MCF2L: variants seen among roughly 807,000 people sequenced by gnomAD.
MCF2L encodes MCF.2 cell line derived transforming sequence like.
MCF2L carries 97 observed loss-of-function variants against 153.4 expected under a neutral mutation model. That is an observed-to-expected ratio of 0.63 (90% confidence interval 0.54 to 0.75). The LOEUF is 0.75. Ranked by LOEUF, MCF2L falls within the 30% of genes least tolerant of loss-of-function variation. The probability of loss-of-function intolerance (pLI) is 0.00; values close to 1 mark genes in which losing one functional copy is unlikely to be tolerated. For missense variants in MCF2L, 1,347 were observed against 1,495.2 expected (o/e 0.90, Z 1.64); for synonymous variants, 659 against 632.2 (o/e 1.04, Z -0.64).
At chr13:113,078,797 A>G in intron 15 of MCF2L, 58 bp downstream of exon 15, 1 of 1,437,514 alleles carries the variant, frequency 7.0e-7, no homozygotes, top group Non-Finnish European at 9.5e-7. Flanking sequence ...CTGAACCACC[A>G]GATGCCGTCA....
In MCF2L at chr13:112,993,841, G is replaced by A. The variant is rs967806968; in HGVS notation, c.80-20922G>A. On this transcript the variant is annotated intron_variant, in intron 1 of 29. Coordinates refer to ENST00000535094, the MANE Select transcript of MCF2L (RefSeq NM_001112732.3). This position sits in a 1 kb window ranked among gnomAD's most constrained non-coding sequence, Gnocchi z 4.6. ...CTTGGAGATCTGCCTCCAGTTAAGA[G>A]ACGTGTTTGCCTCCTGGGTGGGTAG... Among the ~76,000 whole-genome samples, 3 of 152,146 alleles carry A rather than the reference G, an allele frequency of 2.0e-5. No homozygotes were observed. Among genetic ancestry groups the A allele is most frequent in the Non-Finnish European group, 4.4e-5 (3 of 68,032 alleles).
intron 1 of MCF2L, among the ~76,000 whole-genome samples, chr13:113,000,366 G>T (rs994301438): frequency 3.3e-5 from 5 of 152,128 alleles, no homozygotes; most frequent in African/African-American, 9.7e-5. Flanking sequence ...GGTGCAGAGG[G>T]GCTTGCAGAA....
intron 2 of MCF2L, among the ~76,000 whole-genome samples, chr13:112,905,148 A>T (rs1037328013): frequency 6.6e-6 from 1 of 152,244 alleles, no homozygotes; most frequent in East Asian, 1.9e-4. Flanking sequence ...AGGATTTCTC[A>T]ACAAGGCAAA....
intron 2 of MCF2L, among the ~76,000 whole-genome samples, chr13:112,911,302 C>A (rs1030631959): frequency 1.3e-5 from 2 of 152,342 alleles, no homozygotes; most frequent in African/African-American, 4.8e-5. Flanking sequence ...GTCTGGCTGG[C>A]GGAGCCCTGT....
At chr13:113,020,778 A>G (rs2084822873) in intron 2 of MCF2L, among the ~76,000 whole-genome samples, 1 of 151,766 alleles carries the variant, frequency 6.6e-6, no homozygotes, top group Non-Finnish European at 1.5e-5. Flanking sequence ...GTATATGTGT[A>G]GCTGTGTGTA....
intron 9 of MCF2L, among the ~76,000 whole-genome samples, chr13:113,072,997 ATGTAT>A (rs1344652636): frequency 2.8e-5 from 4 of 145,270 alleles, no homozygotes; most frequent in African/African-American, 7.6e-5. Context: ...ACAAATTTTG[ATGTAT>A]TGTATTTTCT....
intron 2 of MCF2L, among the ~76,000 whole-genome samples, chr13:112,930,095 C>G (rs546078460): frequency 1.3e-4 from 20 of 152,310 alleles, no homozygotes; most frequent in Admixed American, 1.1e-3. Context: ...GGGGAGCTCT[C>G]GTTCACTGGG....
intron 1 of MCF2L, among the ~76,000 whole-genome samples, chr13:113,002,759 G>A (rs934616841): frequency 2.6e-5 from 4 of 152,164 alleles, no homozygotes; most frequent in Non-Finnish European, 5.9e-5. Context: ...TTTTCCAGCG[G>A]GTACTTATGC....
chr13:112,900,918 G>GA (rs2081113847), intron 1 of MCF2L, among the ~76,000 whole-genome samples: 1 of 58,792 alleles, frequency 1.7e-5, no homozygotes, highest in African/African-American at 6.5e-5. Flanking sequence ...TGACCTGAGG[G>GA]ATGGGATGGG....
At chr13:113,078,939 ACACACACGCCG>A (rs1305029318) in intron 15 of MCF2L, among the ~76,000 whole-genome samples, 200 bp downstream of exon 15, 1 of 152,258 alleles carries the variant, frequency 6.6e-6, no homozygotes, top group African/African-American at 2.4e-5. Flanking sequence ...CGCGTGAAGC[ACACACACGCCG>A]CACACACACC....
chr13:112,982,938 G>C (rs1566687273), intron 1 of MCF2L, among the ~76,000 whole-genome samples: 1 of 152,108 alleles, frequency 6.6e-6, no homozygotes, highest in Non-Finnish European at 1.5e-5. Flanking sequence ...CTCAGGAGCT[G>C]GGCTGGGGCT....
chr13:113,075,916 C>A, intron 11 of MCF2L, 50 bp from the exon 12 acceptor site: 1 of 1,422,172 alleles, frequency 7.0e-7, no homozygotes, highest in Non-Finnish European at 9.7e-7. Flanking sequence ...CAGGGTGACG[C>A]TCTCACCCTC....
chr13:113,015,886 C>T (rs959207449), intron 2 of MCF2L, among the ~76,000 whole-genome samples: 8 of 152,186 alleles, frequency 5.3e-5, no homozygotes, highest in Non-Finnish European at 8.8e-5. Flanking sequence ...GGGGACCAGG[C>T]GTGGTGATGG....
rs573348938 is a variant in MCF2L at position 112,953,468 on chromosome 13, G to A, written c.169+51097G>A. The stretch of plus-strand genomic sequence containing the variant: ...TCCCCTCTCAAAAACAAGCTAACCG[G>A]TATGCACGGAGCCACAGATCTGCCA... On this transcript the variant is annotated intron_variant, in intron 2 of 29. Transcript: ENST00000375608. 9.8e-5 allele frequency among the ~76,000 whole-genome samples: 15 copies of A among 152,330 alleles called. No homozygotes were observed. The South Asian group carries it at 2.5e-3, about 25-fold the overall frequency.
In MCF2L at chr13:113,074,720, C is replaced by T. The variant is rs2033276045; in HGVS notation, c.1116+157C>T. 6.6e-6 allele frequency among the ~76,000 whole-genome samples: 1 copy of T among 152,110 alleles called. No homozygotes were observed. The highest frequency in any genetic ancestry group is 1.5e-5 in the Non-Finnish European group (1 of 68,014). ...GTGGGGGGTGCTGCTGCCTGTACCCCTCCCCTCCCACACCCCACCCACAGC... is the reference window on the plus strand; with the variant it reads ...GTGGGGGGTGCTGCTGCCTGTACCCTTCCCCTCCCACACCCCACCCACAGC... On this transcript the variant is annotated intron_variant, in intron 10 of 29. Coordinates refer to ENST00000535094, the MANE Select transcript of MCF2L (RefSeq NM_001112732.3). This position sits in a 1 kb window ranked among gnomAD's most constrained non-coding sequence, Gnocchi z 4.2.
At chr13:112,979,934 A>G (rs925958082) in intron 1 of MCF2L, among the ~76,000 whole-genome samples, 2 of 152,184 alleles carry the variant, frequency 1.3e-5, no homozygotes, top group African/African-American at 4.8e-5. Context: ...ATCCCACTCC[A>G]GGTCTGTGGG....
intron 26 of MCF2L, chr13:113,091,018 G>T (rs868461274): frequency 1.6e-6 from 2 of 1,278,894 alleles, no homozygotes; most frequent in South Asian, 1.3e-5. Flanking sequence ...CCACAACGTC[G>T]GTGTCCCCTT....
intron 9 of MCF2L, among the ~76,000 whole-genome samples, chr13:113,071,506 TA>T (rs2032915853): frequency 6.6e-6 from 1 of 152,220 alleles, no homozygotes; most frequent in Admixed American, 6.5e-5. Context: ...TCAAATTTCA[TA>T]GTTTTACATT....
chr13:113,061,247 G>A (rs893293715), intron 5 of MCF2L, among the ~76,000 whole-genome samples: 5 of 152,144 alleles, frequency 3.3e-5, no homozygotes, highest in Admixed American at 3.3e-4. Flanking sequence ...CCGGCACAGG[G>A]CAGCATCTCC....
Sources: allele counts gnomAD v4.1 joint callset (sites outside exome capture counted in the v4.1 genomes callset), GRCh38; gene constraint gnomAD v4.1.1; non-coding constraint Gnocchi (gnomAD v3.1); transcripts MANE v1.5; gene names NCBI Gene and HGNC (gene_info 2026-07-23, HGNC 2026-07-21).